Variants in RUNX1 observed in about 807,000 individuals in gnomAD.
RUNX1 encodes runt-related transcription factor 1.
Under a neutral mutation model 42.8 loss-of-function variants are expected in RUNX1, and 19 were observed. The observed-to-expected ratio is 0.44, with a 90% CI of 0.31 to 0.65. The LOEUF is 0.65. Among genes scored for constraint, RUNX1 ranks in the 30% least tolerant of loss-of-function variants. The pLI is 0.07. For missense variants in RUNX1, 528 were observed against 672.0 expected, an observed-to-expected ratio of 0.79 and a Z score of 2.37; for synonymous variants, 271 against 289.4, an observed-to-expected ratio of 0.94 and a Z score of 0.64.
chr21:35,044,033 T>C (rs745690441), intron 2 of RUNX1, among the ~76,000 whole-genome samples: 2 of 152,236 alleles, frequency 1.3e-5, no homozygotes, highest in Non-Finnish European at 2.9e-5. Flanking sequence ...TAGCATGACA[T>C]CCTGCCCCAA....
chr21:35,040,783 A>AC lies in RUNX1; in HGVS notation c.58+8058_58+8059insG, dbSNP rs1236534349. ...AGTAGACTCCATCCAAAAAAAAAAA[A>AC]AAAAAAAAAAACCAACAACAAAAAC... is the stretch of plus-strand genomic sequence containing the variant. On this transcript the variant is annotated intron_variant, in intron 2 of 8. Transcript: ENST00000675419. Among the ~76,000 whole-genome samples the AC allele has an allele frequency of 8.7e-4, 131 of 151,260 alleles. 1 individual carries two copies. The highest frequency in any genetic ancestry group is 3.1e-3 in the African/African-American group (128 of 41,284).
chr21:34,838,406 T>C (rs2057180668), intron 6 of RUNX1, among the ~76,000 whole-genome samples: 1 of 152,150 alleles, frequency 6.6e-6, no homozygotes, highest in Admixed American at 6.5e-5. Context: ...AGCAGAAAAA[T>C]GAGGAAGGTA....
intron 2 of RUNX1, among the ~76,000 whole-genome samples, chr21:34,911,283 A>G (rs1023574811): frequency 1.3e-5 from 2 of 152,164 alleles, no homozygotes; most frequent in African/African-American, 4.8e-5. Context: ...TCGACAATAC[A>G]TTTATTGGGA....
intron 2 of RUNX1, among the ~76,000 whole-genome samples, chr21:34,949,904 C>G (rs931355451): frequency 6.6e-6 from 1 of 152,214 alleles, no homozygotes; most frequent in Non-Finnish European, 1.5e-5. Flanking sequence ...TGTGATGTCC[C>G]TCCGAACTGA....
chr21:34,820,791 C>T (rs1055272657), intron 7 of RUNX1, among the ~76,000 whole-genome samples: 2 of 152,230 alleles, frequency 1.3e-5, no homozygotes, highest in Admixed American at 1.3e-4. Context: ...GTGTGACGTA[C>T]AGCATGGTTC....
At chr21:34,951,333 C>A (rs998857335) in intron 2 of RUNX1, among the ~76,000 whole-genome samples, 1 of 152,202 alleles carries the variant, frequency 6.6e-6, no homozygotes, top group African/African-American at 2.4e-5. Context: ...AGGATAATTT[C>A]TTTTAAAAAT....
intron 2 of RUNX1, among the ~76,000 whole-genome samples, chr21:34,975,195 A>C (rs111748746): frequency 1.1e-4 from 16 of 152,236 alleles, no homozygotes; most frequent in African/African-American, 3.4e-4. Context: ...AGCTATTTTC[A>C]TTAGACCTCA....
chr21:34,842,573 C>A (rs1015269281), intron 6 of RUNX1, among the ~76,000 whole-genome samples: 4 of 149,764 alleles, frequency 2.7e-5, no homozygotes, highest in Non-Finnish European at 5.9e-5. Context: ...AAGAATAGGT[C>A]AAAGGCTCTT....
intron 8 of RUNX1, among the ~76,000 whole-genome samples, chr21:34,796,815 A>G (rs563857004): frequency 1.3e-5 from 2 of 152,324 alleles, no homozygotes; most frequent in South Asian, 4.2e-4. Context: ...AAAAGAAAAA[A>G]AAAAGTAAAC....
intron 2 of RUNX1, among the ~76,000 whole-genome samples, chr21:35,040,771 C>CA (rs67940268): frequency 1.1e-5 from 1 of 90,900 alleles, no homozygotes; most frequent in African/African-American, 6.3e-5. Flanking sequence ...AGACTCCATC[C>CA]AAAAAAAAAA....
At chr21:34,949,983 C>T (rs1157981519) in intron 2 of RUNX1, among the ~76,000 whole-genome samples, 1 of 152,216 alleles carries the variant, frequency 6.6e-6, no homozygotes, top group African/African-American at 2.4e-5. Flanking sequence ...GCTGAACTGA[C>T]ATCATAGGAT....
At position 34,834,435 on chromosome 21, in the gene RUNX1, G is replaced by T. The variant is rs2057111228; in HGVS notation, c.780C>A (p.Asn260Lys). 6.2e-6 allele frequency: 10 copies of T among 1,609,512 alleles called. No individual in the cohort carries two copies. Among genetic ancestry groups the T allele is most frequent in the Non-Finnish European group, 8.5e-6 (10 of 1,176,390 alleles). The change falls in exon 7 of 9, where the codon AAC becomes AAA. Residue 260 changes from asparagine (N) to lysine (K), a missense_variant. Physicochemically the swap from Asn to Lys is moderately conservative, Grantham distance 94. Coordinates refer to ENST00000675419, the MANE Select transcript of RUNX1 (RefSeq NM_001754.5). Reference protein sequence around the residue: ...RASLNHSTAFNPQPQSQMQDT... With the variant: ...RASLNHSTAFKPQPQSQMQDT... ...CCTGCATCTGACTCTGAGGCTGAGG[G>T]TTAAAGGCAGTGGAGTGGTTCAGGG...
At chr21:34,924,781 A>G (rs1308675260) in intron 2 of RUNX1, among the ~76,000 whole-genome samples, 1 of 152,204 alleles carries the variant, frequency 6.6e-6, no homozygotes. Context: ...CTTAAACTAC[A>G]AACATTTATT....
intron 2 of RUNX1, among the ~76,000 whole-genome samples, chr21:35,037,433 C>T (rs1310604000): frequency 6.6e-6 from 1 of 152,206 alleles, no homozygotes; most frequent in Admixed American, 6.5e-5. Flanking sequence ...AAAAGCAGTC[C>T]AGGATGGTGG....
chr21:34,930,266 G>GTATATATA (rs1569110271), intron 2 of RUNX1, among the ~76,000 whole-genome samples: 6 of 76,430 alleles, frequency 7.9e-5, no homozygotes, highest in African/African-American at 4.6e-4. Flanking sequence ...ACGTGTGTGT[G>GTATATATA]TATGTATATA....
At chr21:34,996,493 C>A (rs1439339641) in intron 2 of RUNX1, among the ~76,000 whole-genome samples, 1 of 151,922 alleles carries the variant, frequency 6.6e-6, no homozygotes, top group African/African-American at 2.4e-5. Flanking sequence ...TTTCTCAAAC[C>A]CTGTTGATGT....
chr21:34,955,986 T>C lies in RUNX1; in HGVS notation c.59-63023A>G, dbSNP rs538574201. ...CTAACATCTTTTTTTTCCTCATGCA[T>C]ATGCAAGCAAAAGTATAAAAATAAA... On this transcript the variant is annotated intron_variant, in intron 2 of 8. Transcript: ENST00000675419. Among the ~76,000 whole-genome samples the C allele has an allele frequency of 5.3e-4, 80 of 152,316 alleles. 1 individual carries two copies. The South Asian group carries it at 0.016, about 30-fold the overall frequency.
At chr21:35,024,146 G>C (rs1470258631) in intron 2 of RUNX1, among the ~76,000 whole-genome samples, 3 of 152,172 alleles carry the variant, frequency 2.0e-5, no homozygotes, top group Non-Finnish European at 4.4e-5. Context: ...TTGTCAGCAG[G>C]AGTGTCTGGG....
chr21:35,035,652 C>T (rs1000092466), intron 2 of RUNX1, among the ~76,000 whole-genome samples: 11 of 152,200 alleles, frequency 7.2e-5, no homozygotes, highest in Admixed American at 2.6e-4. Context: ...CACAATGAAA[C>T]GGCATCATCT....
Sources: gnomAD v4.1 joint callset for allele counts (sites outside exome capture counted in the v4.1 genomes callset) on GRCh38, gnomAD v4.1.1 for gene constraint, MANE v1.5 for transcripts, NCBI Gene and HGNC (gene_info 2026-07-23, HGNC 2026-07-21) for gene names.